Variants in PPP2R1A observed in about 807,000 individuals in gnomAD.
PPP2R1A encodes the protein protein phosphatase 2 scaffold subunit Aalpha.
In PPP2R1A, 15 loss-of-function variants were observed where a neutral mutation model predicts 67.1. The observed-to-expected ratio is 0.22, with a 90% CI of 0.15 to 0.34. PPP2R1A has a LOEUF of 0.34. Among genes scored for constraint, PPP2R1A ranks in the 10% least tolerant of loss-of-function variants. PPP2R1A has a pLI of 1.00. For synonymous variants in PPP2R1A, 337 were observed against 325.0 expected (o/e 1.04, Z -0.40); for missense variants, 369 against 775.0 (o/e 0.48, Z 6.22).
chr19:52,220,137 C>G, intron 10 of PPP2R1A, 52 bp from the exon 11 acceptor site: 2 of 1,578,952 alleles, frequency 1.3e-6, no homozygotes, highest in South Asian at 1.1e-5. Context: ...AGCAGCTCCC[C>G]CTGTTTGCTC....
In PPP2R1A at chr19:52,208,779, G is replaced by C. The variant is rs187099133; in HGVS notation, c.271-2481G>C. Among the ~76,000 whole-genome samples, 4 of 152,192 alleles carry C rather than the reference G, an allele frequency of 2.6e-5. No individual in the cohort carries two copies. In the East Asian group the frequency reaches 5.8e-4, roughly 22 times the overall value. On this transcript the variant is annotated intron_variant, in intron 3 of 14. Coordinates refer to ENST00000322088, the MANE Select transcript of PPP2R1A (RefSeq NM_014225.6). ...CTCCCAAAGTTCTGGGATTACAGGC[G>C]TGAGCCACCGCATCCGGCCAGCAGT...
Position 52,222,123 on chromosome 19 carries a change from G to A in PPP2R1A, c.1543G>A (p.Asp515Asn). The A allele has an allele frequency of 6.2e-7, 1 of 1,613,510 alleles. No individual in the cohort carries two copies. Among genetic ancestry groups the A allele is most frequent in the Non-Finnish European group, 8.5e-7 (1 of 1,179,778 alleles). ...GGTGCTGTCTGAGGTCTGTGGGCAG[G>A]ACATCACCACCAAGCACATGCTACC... ...INVLSEVCGQ[D>N]ITTKHMLPTV... Residue 515 changes from aspartate to asparagine, a missense_variant, in exon 13 of 15, where the codon GAC becomes AAC. By Grantham distance (23) the Asp-to-Asn change is conservative. Coordinates refer to ENST00000322088, the MANE Select transcript of PPP2R1A (RefSeq NM_014225.6).
At position 52,216,112 on chromosome 19, in the gene PPP2R1A, G is replaced by A. The variant is rs751218453; in HGVS notation, c.993+38G>A. On this transcript the variant is annotated intron_variant, in intron 8 of 14. Transcript: ENST00000322088. The surrounding 1 kb of genome is among the most constrained non-coding windows in gnomAD (Gnocchi z 4.3). ...TTGATGGGAGGAACCAAGTGGATCC[G>A]AGCCTGCCAAAAAGAGGGGCTGGAG... is the stretch of plus-strand genomic sequence containing the variant. 7.6e-6 allele frequency: 12 copies of A among 1,584,478 alleles called. No homozygotes were observed. The highest frequency in any genetic ancestry group is 4.5e-5 in the East Asian group (2 of 44,708).
Position 52,190,129 on chromosome 19 carries a change from C to T in PPP2R1A, c.33C>T (p.Tyr11=), listed in dbSNP as rs1462024783. 1 of 1,550,712 alleles carries T rather than the reference C, an allele frequency of 6.4e-7. No homozygotes were observed. Among genetic ancestry groups the T allele is most frequent in the Non-Finnish European group, 8.7e-7 (1 of 1,146,698 alleles). Residue 11 remains tyrosine (Y), a synonymous_variant, in exon 1 of 15, where the codon TAC becomes TAT. Coordinates refer to ENST00000322088, the MANE Select transcript of PPP2R1A (RefSeq NM_014225.6). MAAADGDDSL[Y]PIAVLIDELR... ...CGGCCGACGGCGACGACTCGCTGTA[C>T]CCCATCGCGGTGCTCATAGACGAAC...
chr19:52,201,845 A>G (rs1020344464), intron 1 of PPP2R1A, 99 bp from the exon 2 acceptor site: 4 of 1,114,790 alleles, frequency 3.6e-6, no homozygotes, highest in Non-Finnish European at 2.7e-6. Flanking sequence ...CATGTAACCA[A>G]GCAAGGCTTC....
In PPP2R1A at chr19:52,219,738, C is replaced by T. The variant is rs143253734; in HGVS notation, c.1176C>T (p.Asn392=). ...TCATCTCTAACCTGGACTGTGTGAA[C>T]GAGGTGATTGGCATCCGGCAGCTGT... ...LNIISNLDCV[N]EVIGIRQLSQ... is the part of the protein sequence containing the mutation. The change falls in exon 10 of 15, where the codon AAC becomes AAT. Residue 392 remains asparagine (N), a synonymous_variant. Transcript: ENST00000322088. This position sits in a 1 kb window ranked among gnomAD's most constrained non-coding sequence, Gnocchi z 4.0. 26 of 1,613,956 alleles carry T rather than the reference C, an allele frequency of 1.6e-5. No individual in the cohort carries two copies. Among genetic ancestry groups the T allele is most frequent in the African/African-American group, 1.3e-4 (10 of 74,916 alleles).
chr19:52,218,459 A>G (rs1223098976), intron 9 of PPP2R1A, among the ~76,000 whole-genome samples: 1 of 151,986 alleles, frequency 6.6e-6, no homozygotes, highest in African/African-American at 2.4e-5. Flanking sequence ...GTTTTTCCCT[A>G]TTAGTGGGTG....
intron 2 of PPP2R1A, among the ~76,000 whole-genome samples, chr19:52,205,312 A>ATAT (rs951029256): frequency 9.2e-5 from 14 of 152,152 alleles, no homozygotes; most frequent in African/African-American, 3.1e-4. Context: ...TTCCCTTCAC[A>ATAT]TATTCATTCT....
At chr19:52,204,101 T>G (rs1038237836) in intron 2 of PPP2R1A, among the ~76,000 whole-genome samples, 1 of 152,176 alleles carries the variant, frequency 6.6e-6, no homozygotes. Context: ...ACCAGCCATG[T>G]GGAACTCTGT....
At chr19:52,221,957 T>G in intron 12 of PPP2R1A, 142 bp from the exon 13 acceptor site, 1 of 745,244 alleles carries the variant, frequency 1.3e-6, no homozygotes, top group Non-Finnish European at 2.1e-6. Context: ...AGTTGGGAGA[T>G]TCACTCCACT....
chr19:52,190,433 T>C (rs542074700), intron 1 of PPP2R1A: 2 of 560,352 alleles, frequency 3.6e-6, no homozygotes, highest in East Asian at 6.4e-5. Flanking sequence ...TCCGCGGTCC[T>C]GGGAGGTTGT....
chr19:52,191,125 T>C (rs1329626007), intron 1 of PPP2R1A: 1 of 152,170 alleles, frequency 6.6e-6, no homozygotes, highest in African/African-American at 2.4e-5. Flanking sequence ...CCTCCCAAAG[T>C]GTTGGAATTA....
chr19:52,192,098 T>C (rs551576652), intron 1 of PPP2R1A, among the ~76,000 whole-genome samples: 2 of 152,124 alleles, frequency 1.3e-5, no homozygotes, highest in African/African-American at 4.8e-5. Context: ...TTTTAAAGTG[T>C]GGTCAGGGGA....
intron 13 of PPP2R1A, among the ~76,000 whole-genome samples, chr19:52,224,760 T>G (rs1217980889): frequency 6.6e-6 from 1 of 152,174 alleles, no homozygotes; most frequent in Non-Finnish European, 1.5e-5. Context: ...AGTACAGTGG[T>G]GCGATCTCGG....
intron 3 of PPP2R1A, among the ~76,000 whole-genome samples, chr19:52,207,268 C>A (rs921700417): frequency 6.6e-6 from 1 of 152,180 alleles, no homozygotes; most frequent in Admixed American, 6.5e-5. Flanking sequence ...TCTGTAGCCC[C>A]TGCCTGGTAT....
intron 11 of PPP2R1A, 67 bp downstream of exon 11, chr19:52,220,316 G>T: frequency 6.5e-7 from 1 of 1,545,434 alleles, no homozygotes; most frequent in Non-Finnish European, 8.9e-7. Context: ...GATTGGCTGG[G>T]GCTGTGGCGG....
chr19:52,191,584 A>G (rs1220151745), intron 1 of PPP2R1A, among the ~76,000 whole-genome samples: 1 of 152,168 alleles, frequency 6.6e-6, no homozygotes, highest in Non-Finnish European at 1.5e-5. Flanking sequence ...TTCTGGTGGC[A>G]TACAGGTTGT....
chr19:52,203,251 G>A (rs1370330343), intron 2 of PPP2R1A, among the ~76,000 whole-genome samples: 1 of 152,198 alleles, frequency 6.6e-6, no homozygotes, highest in African/African-American at 2.4e-5. Context: ...GTGCAGGTGT[G>A]TCTGACTGGA....
At chr19:52,205,556 G>T (rs1027246917) in intron 2 of PPP2R1A, among the ~76,000 whole-genome samples, 1 of 152,196 alleles carries the variant, frequency 6.6e-6, no homozygotes, top group Non-Finnish European at 1.5e-5. Flanking sequence ...CTGGCAGAGG[G>T]AACAGTGCTG....
Sources: allele counts gnomAD v4.1 joint callset (sites outside exome capture counted in the v4.1 genomes callset), GRCh38; gene constraint gnomAD v4.1.1; non-coding constraint Gnocchi (gnomAD v3.1); transcripts MANE v1.5; gene names NCBI Gene and HGNC (gene_info 2026-07-23, HGNC 2026-07-21).